Variants in WWC1 observed in about 807,000 individuals in gnomAD.
WWC1 encodes WW and C2 domain containing 1.
Under a neutral mutation model 138.4 loss-of-function variants are expected in WWC1, and 55 were observed. The observed-to-expected ratio is 0.40, with a 90% confidence interval of 0.32 to 0.50. The LOEUF (loss-of-function observed/expected upper bound fraction) is 0.50, where lower values mean the gene tolerates loss of function less well. Among genes scored for constraint, WWC1 ranks in the 20% least tolerant of loss-of-function variants. WWC1 has a pLI of 0.72. For missense variants in WWC1, 1,226 were observed against 1,420.4 expected, an observed-to-expected ratio of 0.86 and a Z score of 2.20; for synonymous variants, 524 against 564.9, an observed-to-expected ratio of 0.93 and a Z score of 1.03.
chr5:168,295,483 C>CGTGTGTGT (rs3138761), intron 1 of WWC1, among the ~76,000 whole-genome samples: 24,613 of 142,316 alleles, frequency 0.17, 2,299 homozygotes, highest in Admixed American at 0.26. Context: ...ATTTCTACTC[C>CGTGTGTGT]GTGTGTGTGT....
intron 1 of WWC1, among the ~76,000 whole-genome samples, chr5:168,315,201 A>G (rs1771472850): frequency 6.6e-6 from 1 of 151,528 alleles, no homozygotes; most frequent in Admixed American, 6.6e-5. Context: ...CCATTCCTTC[A>G]AAGCAGGCTT....
At chr5:168,441,626 A>G (rs1754769692) in intron 15 of WWC1, 56 bp from the exon 16 acceptor site, 21 of 1,579,448 alleles carry the variant, frequency 1.3e-5, no homozygotes, top group Non-Finnish European at 1.8e-5. Context: ...AAATTCCCTG[A>G]CACCTGGTGT....
intron 1 of WWC1, among the ~76,000 whole-genome samples, chr5:168,309,878 T>C (rs535906658): frequency 1.3e-5 from 2 of 152,124 alleles, no homozygotes; most frequent in Non-Finnish European, 2.9e-5. Flanking sequence ...CCACTGGACA[T>C]CATTTCTGTG....
chr5:168,307,622 T>C (rs1336947241), intron 1 of WWC1, among the ~76,000 whole-genome samples: 1 of 145,260 alleles, frequency 6.9e-6, no homozygotes, highest in Non-Finnish European at 1.5e-5. Flanking sequence ...TTTTTTAAAT[T>C]GAGACAGAGT....
chr5:168,371,562 G>T, intron 2 of WWC1, 29 bp downstream of exon 2: 1 of 1,563,478 alleles, frequency 6.4e-7, no homozygotes, highest in Non-Finnish European at 8.8e-7. Context: ...TCCCTTCCCT[G>T]TGCCCTCTTC....
Position 168,406,261 on chromosome 5 carries a change from G to A in WWC1, c.654G>A (p.Leu218=). The A allele has an allele frequency of 6.2e-7, 1 of 1,614,068 alleles. No individual in the cohort carries two copies. Among genetic ancestry groups the A allele is most frequent in the South Asian group, 1.1e-5 (1 of 91,074 alleles). ...AACTGGATGAAGCTCAGGCTGTCTT[G>A]AGAGAAACAAAAGCCATCAAAAAGG... ...SYKLDEAQAV[L]RETKAIKKAI... is the part of the protein sequence containing the mutation. Residue 218 remains leucine, a synonymous_variant, in exon 6 of 23, where the codon TTG becomes TTA. Transcript: ENST00000265293.
chr5:168,466,845 T>G (rs143261280), intron 21 of WWC1, among the ~76,000 whole-genome samples: 109 of 152,104 alleles, frequency 7.2e-4, no homozygotes, highest in Non-Finnish European at 1.3e-3. Flanking sequence ...CTTGATCTTA[T>G]TCGAAAGACT....
intron 1 of WWC1, among the ~76,000 whole-genome samples, chr5:168,328,658 T>TGTA (rs1296907247): frequency 6.6e-6 from 1 of 152,160 alleles, no homozygotes; most frequent in Non-Finnish European, 1.5e-5. Flanking sequence ...GCAATTCTTC[T>TGTA]GCCTCAGCCT....
chr5:168,393,814 G>C (rs186993507), intron 3 of WWC1, among the ~76,000 whole-genome samples: 69 of 152,304 alleles, frequency 4.5e-4, no homozygotes, highest in African/African-American at 1.6e-3. Flanking sequence ...AAACTCACCA[G>C]ATTCACATTG....
rs761788360 is a variant in WWC1, at chr5:168,423,549, C to T, written c.1291C>T (p.Gln431Ter). Reference protein sequence around the residue: ...SQLKSLSSSMQSLSSGSSPGS... With the variant: ...SQLKSLSSSM ...GTGTCCCAGTCTCTCAAGCAGCATG[C>T]AGTCCCTGTCCTCAGGCAGCAGCCC... The change falls in exon 11 of 23, where the codon CAG becomes TAG. Residue 431 changes from glutamine to a stop codon, truncating the protein, a stop_gained. Coordinates refer to ENST00000265293, the MANE Select transcript of WWC1 (RefSeq NM_015238.3). LOFTEE classifies it high-confidence loss of function. 6.2e-7 allele frequency: 1 copy of T among 1,612,044 alleles called. No homozygotes were observed. The highest frequency in any genetic ancestry group is 8.5e-7 in the Non-Finnish European group (1 of 1,179,060).
At chr5:168,394,196 C>A (rs1212391039) in intron 3 of WWC1, among the ~76,000 whole-genome samples, 3 of 152,012 alleles carry the variant, frequency 2.0e-5, no homozygotes, top group Non-Finnish European at 2.9e-5. Context: ...GATCAAGAAG[C>A]AGTAATGCAT....
At position 168,389,559 on chromosome 5, in the gene WWC1, T is replaced by C. The variant is rs114768852; in HGVS notation, c.433+4145T>C. On this transcript the variant is annotated intron_variant, in intron 3 of 22. Transcript: ENST00000265293. ...TCTCTAGGGGACCGTACTCCCTCTTTAAGTCTCAGAATCTTTATGTTTAAC... is the reference window on the plus strand; with the variant it reads ...TCTCTAGGGGACCGTACTCCCTCTTCAAGTCTCAGAATCTTTATGTTTAAC... Among the ~76,000 whole-genome samples the C allele has an allele frequency of 5.1e-3, 765 of 151,160 alleles. 3 individuals carry two copies. Among genetic ancestry groups the C allele is most frequent in the African/African-American group, 0.017 (710 of 41,288 alleles).
intron 3 of WWC1, among the ~76,000 whole-genome samples, chr5:168,387,226 A>G (rs544894450): frequency 6.6e-6 from 1 of 152,298 alleles, no homozygotes; most frequent in African/African-American, 2.4e-5. Flanking sequence ...AGGGACTAGC[A>G]TCAGGGCATG....
chr5:168,469,157 T>C lies in WWC1; in HGVS notation c.*140T>C. On this transcript the variant is annotated 3_prime_UTR_variant, in exon 23 of 23. Transcript: ENST00000265293. ...TTGTTGGTTTGAAGATGAACCGACT[T>C]TTTAGTTTGGGTCCTACTGTTGTTA... The C allele has an allele frequency of 1.1e-6, 1 of 932,284 alleles. No homozygotes were observed. The highest frequency in any genetic ancestry group is 1.6e-6 in the Non-Finnish European group (1 of 611,588). 57.8% of individuals were successfully genotyped at this position (932,284 alleles called of 1,614,324 possible).
intron 3 of WWC1, among the ~76,000 whole-genome samples, chr5:168,388,728 G>A (rs1251823001): frequency 1.3e-5 from 2 of 151,946 alleles, no homozygotes; most frequent in African/African-American, 4.8e-5. Context: ...TACTCAGGAG[G>A]CTGAGGCAGG....
At chr5:168,425,782 AACC>A (rs1490180228) in intron 11 of WWC1, among the ~76,000 whole-genome samples, 1 of 152,104 alleles carries the variant, frequency 6.6e-6, no homozygotes, top group Non-Finnish European at 1.5e-5. Flanking sequence ...TACAGGCGTG[AACC>A]ACCAAGTCCA....
intron 17 of WWC1, 82 bp from the exon 18 acceptor site, chr5:168,453,886 C>G: frequency 1.3e-6 from 2 of 1,580,720 alleles, no homozygotes; most frequent in African/African-American, 1.4e-5. Context: ...GGATTGGAAG[C>G]CCTACCTTGG....
chr5:168,423,595 G>C lies in WWC1; in HGVS notation c.1337G>C (p.Arg446Pro). The part of the protein sequence containing the change: ...GSSPGSLTSS[R>P]GSLVASSLDS... ...AGCCCCGGATCCCTCACGTCCAGCC[G>C]GGGCTCCCTGGTTGCATCCAGCCTG... The change falls in exon 11 of 23, where the codon CGG becomes CCG. Residue 446 changes from arginine (R) to proline (P), a missense_variant. Physicochemically the swap from Arg to Pro is moderately radical, Grantham distance 103. Transcript: ENST00000265293. 6.2e-7 allele frequency: 1 copy of C among 1,614,022 alleles called. No homozygotes were observed. The highest frequency in any genetic ancestry group is 8.5e-7 in the Non-Finnish European group (1 of 1,179,982).
At chr5:168,380,115 A>T (rs1336659068) in intron 2 of WWC1, among the ~76,000 whole-genome samples, 5 of 152,218 alleles carry the variant, frequency 3.3e-5, no homozygotes, top group Non-Finnish European at 5.9e-5. Flanking sequence ...CTAACAAAGA[A>T]CCATATTCCA....
Sources: gnomAD v4.1 joint callset for allele counts (sites outside exome capture counted in the v4.1 genomes callset) on GRCh38, gnomAD v4.1.1 for gene constraint, MANE v1.5 for transcripts, NCBI Gene and HGNC (gene_info 2026-07-23, HGNC 2026-07-21) for gene names.